The following DDAH1 variants were observed in gnomAD, a reference collection of about 807,000 sequenced individuals.
The protein encoded by DDAH1 is dimethylarginine dimethylaminohydrolase 1.
A neutral mutation model predicts 28.8 loss-of-function variants in DDAH1; 19 were observed. The observed-to-expected ratio is 0.66, with a 90% CI of 0.46 to 0.97. DDAH1 has a LOEUF of 0.97. Among genes scored for constraint, DDAH1 ranks in the 50% least tolerant of loss-of-function variants. The pLI, the probability that DDAH1 is intolerant of heterozygous loss-of-function variation, is 0.00. For synonymous variants in DDAH1, 153 were observed against 154.4 expected (o/e 0.99, Z 0.07); for missense variants, 326 against 375.9 (o/e 0.87, Z 1.10).
At chr1:85,504,119 A>G (rs531592648) in intron 1 of DDAH1, among the ~76,000 whole-genome samples, 3 of 152,346 alleles carry the variant, frequency 2.0e-5, no homozygotes, top group African/African-American at 7.2e-5. Flanking sequence ...GCAAGAGCAT[A>G]AGACCTCAAG....
At chr1:85,428,995 T>A (rs1307917519) in intron 1 of DDAH1, among the ~76,000 whole-genome samples, 1 of 151,990 alleles carries the variant, frequency 6.6e-6, no homozygotes, top group South Asian at 2.1e-4. Flanking sequence ...GCTGTGGGGA[T>A]AGGAGGCTTT....
intron 1 of DDAH1, among the ~76,000 whole-genome samples, chr1:85,533,840 T>G (rs1444388680): frequency 6.6e-6 from 1 of 152,212 alleles, no homozygotes; most frequent in Non-Finnish European, 1.5e-5. Flanking sequence ...CAAAAAGCCC[T>G]TAGGACAATG....
At chr1:85,370,181 A>G (rs1298418054) in intron 1 of DDAH1, among the ~76,000 whole-genome samples, 3 of 152,176 alleles carry the variant, frequency 2.0e-5, no homozygotes, top group Non-Finnish European at 4.4e-5. Flanking sequence ...CCTTATAAGA[A>G]GAGCAGACTA....
chr1:85,444,164 C>G (rs1654329671), intron 1 of DDAH1, among the ~76,000 whole-genome samples: 1 of 152,092 alleles, frequency 6.6e-6, no homozygotes, highest in Non-Finnish European at 1.5e-5. Context: ...TCATAAATAC[C>G]TCTTATTATT....
intron 1 of DDAH1, among the ~76,000 whole-genome samples, chr1:85,549,009 A>G (rs142586089): frequency 2.0e-5 from 3 of 152,306 alleles, no homozygotes; most frequent in Admixed American, 2.0e-4. Context: ...TATTTCATGG[A>G]ACTGGTTCCA....
chr1:85,348,145 G>A (rs927006408), intron 4 of DDAH1, among the ~76,000 whole-genome samples: 1 of 152,134 alleles, frequency 6.6e-6, no homozygotes, highest in Admixed American at 6.5e-5. Flanking sequence ...ACACTAACTC[G>A]AATGAACTCT....
At chr1:85,382,083 C>T (rs540188837) in intron 1 of DDAH1, among the ~76,000 whole-genome samples, 1 of 152,116 alleles carries the variant, frequency 6.6e-6, no homozygotes, top group Non-Finnish European at 1.5e-5. Flanking sequence ...AATTATGAAG[C>T]TTAGTGAGGA....
At chr1:85,452,293 A>G (rs901251447) in intron 1 of DDAH1, among the ~76,000 whole-genome samples, 1 of 152,190 alleles carries the variant, frequency 6.6e-6, no homozygotes. Context: ...GGTCTCCTAG[A>G]TAAGTAGATT....
chr1:85,464,742 C>T lies in DDAH1; in HGVS notation c.303+1G>A. ...GCCGCGCCCCTCGAGTCGGCAGTTACCTCCTTCCTCCGGCTCGGCGCCCCG... is the reference window on the plus strand; with the variant it reads ...GCCGCGCCCCTCGAGTCGGCAGTTATCTCCTTCCTCCGGCTCGGCGCCCCG... On this transcript the variant is annotated splice_donor_variant, in intron 1 of 5. Transcript: ENST00000284031. LOFTEE classifies it high-confidence loss of function. This position sits in a 1 kb window ranked among gnomAD's most constrained non-coding sequence, Gnocchi z 4.4. 1 of 1,531,886 alleles carries T rather than the reference C, an allele frequency of 6.5e-7. No homozygotes were observed. Among genetic ancestry groups the T allele is most frequent in the Non-Finnish European group, 8.7e-7 (1 of 1,146,020 alleles). The allele number at this position is 1,531,886 out of a possible 1,614,324, so 94.9% of individuals were successfully genotyped here.
intron 1 of DDAH1, among the ~76,000 whole-genome samples, chr1:85,436,473 C>A (rs1007115590): frequency 6.6e-6 from 1 of 152,084 alleles, no homozygotes; most frequent in African/African-American, 2.4e-5. Context: ...ATCATTAATA[C>A]GAATGTGTTA....
At chr1:85,384,407 A>G (rs1244397757) in intron 1 of DDAH1, among the ~76,000 whole-genome samples, 2 of 152,222 alleles carry the variant, frequency 1.3e-5, no homozygotes, top group Non-Finnish European at 2.9e-5. Flanking sequence ...TGATAAGACC[A>G]GTAGGTTCTG....
At chr1:85,492,862 A>C (rs1003351594) in intron 2 of DDAH1, among the ~76,000 whole-genome samples, 4 of 152,122 alleles carry the variant, frequency 2.6e-5, no homozygotes, top group Non-Finnish European at 2.9e-5. Context: ...CCACATTATG[A>C]ACTGTCTATG....
At chr1:85,373,581 C>T (rs2100891990) in intron 1 of DDAH1, among the ~76,000 whole-genome samples, 1 of 152,224 alleles carries the variant, frequency 6.6e-6, no homozygotes, top group South Asian at 2.1e-4. Context: ...GAAGAAGATA[C>T]TTGCTTCTCC....
intron 1 of DDAH1, among the ~76,000 whole-genome samples, chr1:85,382,366 G>A (rs1570462593): frequency 6.6e-6 from 1 of 152,202 alleles, no homozygotes; most frequent in African/African-American, 2.4e-5. Flanking sequence ...GATCTGAGAA[G>A]AGGTGAGGTG....
intron 1 of DDAH1, among the ~76,000 whole-genome samples, chr1:85,463,509 G>A (rs1248785111): frequency 6.6e-6 from 1 of 152,188 alleles, no homozygotes; most frequent in East Asian, 1.9e-4. Flanking sequence ...GGAGAGGTGT[G>A]GCAAAGACAT....
chr1:85,402,463 C>T (rs1382695407), intron 1 of DDAH1, among the ~76,000 whole-genome samples: 1 of 152,050 alleles, frequency 6.6e-6, no homozygotes, highest in African/African-American at 2.4e-5. Context: ...ATTTTCAGTA[C>T]AAATTAATTT....
At chr1:85,357,129 G>A (rs1386240638) in intron 2 of DDAH1, among the ~76,000 whole-genome samples, 1 of 152,194 alleles carries the variant, frequency 6.6e-6, no homozygotes, top group Non-Finnish European at 1.5e-5. Context: ...ATCAACGGGA[G>A]ACACAAAGAA....
At chr1:85,498,332 G>C (rs1304076355) in intron 1 of DDAH1, among the ~76,000 whole-genome samples, 2 of 152,104 alleles carry the variant, frequency 1.3e-5, no homozygotes, top group Non-Finnish European at 2.9e-5. Context: ...TTCCAGAATG[G>C]CTCTAATATC....
At chr1:85,413,442 A>C (rs1207228867) in intron 1 of DDAH1, among the ~76,000 whole-genome samples, 1 of 152,208 alleles carries the variant, frequency 6.6e-6, no homozygotes, top group Non-Finnish European at 1.5e-5. Context: ...ACAATTTAAC[A>C]TCTGGAATCA....
Sources: allele counts gnomAD v4.1 joint callset (sites outside exome capture counted in the v4.1 genomes callset), GRCh38; gene constraint gnomAD v4.1.1; non-coding constraint Gnocchi (gnomAD v3.1); transcripts MANE v1.5; gene names NCBI Gene and HGNC (gene_info 2026-07-23, HGNC 2026-07-21).